NPY2R: variants seen among roughly 807,000 people sequenced by gnomAD.
NPY2R encodes the protein neuropeptide Y receptor Y2.
Under a neutral mutation model 22.3 loss-of-function variants are expected in NPY2R, and 17 were observed. The ratio of observed to expected loss-of-function variants is 0.76; its 90% CI spans 0.52 to 1.14. The LOEUF (loss-of-function observed/expected upper bound fraction) is 1.14, where lower values mean the gene tolerates loss of function less well. NPY2R is among the 50% of genes most tolerant of loss of function. The pLI, the probability that NPY2R is intolerant of heterozygous loss-of-function variation, is 0.00. For synonymous variants in NPY2R, 209 were observed against 183.4 expected, an observed-to-expected ratio of 1.14 and a Z score of -1.13; for missense variants, 424 against 467.9, an observed-to-expected ratio of 0.91 and a Z score of 0.87.
the NPY2R span, among the ~76,000 whole-genome samples, chr4:155,184,510 T>C: frequency 6.6e-6 from 1 of 152,102 alleles, no homozygotes; most frequent in Non-Finnish European, 1.5e-5. Context: ...AGCCTATAAG[T>C]AAAGTTGGGT....
intron 1 of NPY2R, among the ~76,000 whole-genome samples, chr4:155,211,259 T>G (rs1729398513): frequency 6.6e-6 from 1 of 152,192 alleles, no homozygotes. Flanking sequence ...TCAAAGAGAT[T>G]GCTGTGGTGG....
At chr4:155,189,032 T>C in the NPY2R span, among the ~76,000 whole-genome samples, 1 of 152,070 alleles carries the variant, frequency 6.6e-6, no homozygotes, top group African/African-American at 2.4e-5. Context: ...CCTGCAGAGC[T>C]TTTTTAAAGC....
At chr4:155,207,749 A>G (rs367676027), upstream of NPY2R, 4 of 152,424 alleles carry the variant, frequency 2.6e-5, no homozygotes, top group South Asian at 4.1e-4. Flanking sequence ...TTCCATAGGC[A>G]TGCGCTCCTA....
At chr4:155,205,816 T>TCTAG (rs1306669823), upstream of NPY2R, among the ~76,000 whole-genome samples, 1 of 149,602 alleles carries the variant, frequency 6.7e-6, no homozygotes, top group Non-Finnish European at 1.5e-5. Flanking sequence ...TATCTATCTA[T>TCTAG]CTATCTATCT....
chr4:155,187,063 A>T, the NPY2R span, among the ~76,000 whole-genome samples: 4 of 152,172 alleles, frequency 2.6e-5, no homozygotes, highest in African/African-American at 7.2e-5. Context: ...GGAACTTCAG[A>T]ATCTAATTAA....
the NPY2R span, among the ~76,000 whole-genome samples, chr4:155,197,201 A>C: frequency 7.9e-5 from 12 of 152,138 alleles, no homozygotes; most frequent in Admixed American, 6.6e-4. Context: ...CATATCTTGC[A>C]GTTAAAATAA....
At chr4:155,184,609 AG>A in the NPY2R span, among the ~76,000 whole-genome samples, 1 of 152,174 alleles carries the variant, frequency 6.6e-6, no homozygotes, top group Non-Finnish European at 1.5e-5. Flanking sequence ...GCCATAAAAA[AG>A]GTCTGAGACC....
At chr4:155,191,724 C>A in the NPY2R span, among the ~76,000 whole-genome samples, 1 of 151,814 alleles carries the variant, frequency 6.6e-6, no homozygotes, top group African/African-American at 2.4e-5. Flanking sequence ...ATGCATTTTA[C>A]TTTGCTGGAC....
At chr4:155,183,038 C>T in the NPY2R span, among the ~76,000 whole-genome samples, 1 of 152,076 alleles carries the variant, frequency 6.6e-6, no homozygotes, top group Non-Finnish European at 1.5e-5. Flanking sequence ...GGTGATCCAC[C>T]TGCCTTGGCC....
At chr4:155,178,467 G>C in the NPY2R span, among the ~76,000 whole-genome samples, 2 of 152,104 alleles carry the variant, frequency 1.3e-5, no homozygotes, top group African/African-American at 4.8e-5. Flanking sequence ...ATATGTACAC[G>C]AAGTTATAAA....
the NPY2R span, among the ~76,000 whole-genome samples, chr4:155,174,484 A>ATATATATATATATTTTT: frequency 3.2e-4 from 34 of 106,058 alleles, no homozygotes; most frequent in South Asian, 6.3e-4. Flanking sequence ...ATATATATAT[A>ATATATATATATATTTTT]TTTTTTTTTT....
the NPY2R span, among the ~76,000 whole-genome samples, chr4:155,195,514 T>A: frequency 6.6e-6 from 1 of 151,912 alleles, no homozygotes; most frequent in Non-Finnish European, 1.5e-5. Flanking sequence ...GCCCTAGTTT[T>A]TTAATAATCT....
Position 155,214,203 on chromosome 4 carries a change from C to T in NPY2R, c.264C>T (p.Phe88=). 1 of 1,614,162 alleles carries T rather than the reference C, an allele frequency of 6.2e-7. No individual in the cohort carries two copies. The highest frequency in any genetic ancestry group is 8.5e-7 in the Non-Finnish European group (1 of 1,180,002). Residue 88 remains phenylalanine, a synonymous_variant, in exon 2 of 2, where the codon TTC becomes TTT. Coordinates refer to ENST00000329476, the MANE Select transcript of NPY2R (RefSeq NM_000910.4). ...GCATGCGCACAGTAACCAACTTTTT[C>T]ATTGCCAATCTGGCTGTGGCAGATC... is the stretch of plus-strand genomic sequence containing the variant. The part of the protein sequence containing the change: ...FKSMRTVTNF[F]IANLAVADLL...
chr4:155,193,180 G>T, the NPY2R span, among the ~76,000 whole-genome samples: 77,560 of 151,560 alleles, frequency 0.51, 20,956 homozygotes, highest in East Asian at 0.94. Context: ...TTTAATCCTA[G>T]AGACTATATA....
the NPY2R span, among the ~76,000 whole-genome samples, chr4:155,198,571 A>T: frequency 6.8e-6 from 1 of 146,758 alleles, no homozygotes; most frequent in African/African-American, 2.5e-5. Flanking sequence ...AATATATTTG[A>T]TATATATAAT....
the NPY2R span, among the ~76,000 whole-genome samples, chr4:155,179,317 T>C: frequency 6.6e-6 from 1 of 152,212 alleles, no homozygotes; most frequent in East Asian, 1.9e-4. Context: ...TTTGACCGGA[T>C]GCCAGATATT....
the NPY2R span, among the ~76,000 whole-genome samples, chr4:155,191,063 A>G: frequency 6.6e-6 from 1 of 151,896 alleles, no homozygotes; most frequent in Admixed American, 6.6e-5. Flanking sequence ...TTGTTTCTCA[A>G]CTAGATGACT....
At chr4:155,193,198 G>A in the NPY2R span, among the ~76,000 whole-genome samples, 1 of 151,650 alleles carries the variant, frequency 6.6e-6, no homozygotes, top group East Asian at 1.9e-4. Flanking sequence ...ATATATATAC[G>A]GTCCCATCGA....
chr4:155,174,760 A>C, the NPY2R span, among the ~76,000 whole-genome samples: 1 of 151,922 alleles, frequency 6.6e-6, no homozygotes, highest in Non-Finnish European at 1.5e-5. Flanking sequence ...GGAAGTGCAA[A>C]TTTGGAGAGT....
Sources: allele counts gnomAD v4.1 joint callset (sites outside exome capture counted in the v4.1 genomes callset), GRCh38; gene constraint gnomAD v4.1.1; transcripts MANE v1.5; gene names NCBI Gene and HGNC (gene_info 2026-07-23, HGNC 2026-07-21).